PAIP2: variants seen among roughly 807,000 people sequenced by gnomAD.
The protein encoded by PAIP2 is polyadenylate-binding protein-interacting protein 2.
Under a neutral mutation model 14.8 loss-of-function variants are expected in PAIP2, and 7 were observed. The observed-to-expected ratio is 0.47, with a 90% CI of 0.27 to 0.89. PAIP2 has a LOEUF of 0.89. Ranked by LOEUF, PAIP2 falls within the 40% of genes least tolerant of loss-of-function variation. The pLI, the probability that PAIP2 is intolerant of heterozygous loss-of-function variation, is 0.13. For missense variants in PAIP2, 122 were observed against 154.7 expected, an observed-to-expected ratio of 0.79 and a Z score of 1.12; for synonymous variants, 47 against 45.3, an observed-to-expected ratio of 1.04 and a Z score of -0.15.
At chr5:139,357,329 A>G (rs1048465929) in intron 1 of PAIP2, among the ~76,000 whole-genome samples, 1 of 152,164 alleles carries the variant, frequency 6.6e-6, no homozygotes, top group African/African-American at 2.4e-5. Flanking sequence ...GAGCTTTTCA[A>G]AGCTCTTACT....
At chr5:139,342,274 CT>C (rs1367883673) in intron 1 of PAIP2, among the ~76,000 whole-genome samples, 3 of 152,132 alleles carry the variant, frequency 2.0e-5, no homozygotes, top group Non-Finnish European at 2.9e-5. Context: ...CGGGATAGCA[CT>C]TTCTCCTGTT....
intron 3 of PAIP2, among the ~76,000 whole-genome samples, chr5:139,366,202 CAAAAAA>C (rs1215094572): frequency 1.2e-4 from 3 of 25,324 alleles, no homozygotes; most frequent in Non-Finnish European, 2.7e-4. Flanking sequence ...GACTCCACCT[CAAAAAA>C]AAAAAAAAAA....
chr5:139,344,728 T>G (rs1332677311), intron 1 of PAIP2, among the ~76,000 whole-genome samples: 1 of 152,194 alleles, frequency 6.6e-6, no homozygotes, highest in Non-Finnish European at 1.5e-5. Flanking sequence ...ATTCTTGCTC[T>G]CACCTAATTA....
At chr5:139,352,488 G>GTTTT (rs1185620394) in intron 1 of PAIP2, among the ~76,000 whole-genome samples, 35 of 94,816 alleles carry the variant, frequency 3.7e-4, no homozygotes, top group African/African-American at 6.6e-4. Context: ...ATTCCTGCCA[G>GTTTT]TTTTTTTTTT....
intron 1 of PAIP2, among the ~76,000 whole-genome samples, chr5:139,362,435 A>G (rs749620043): frequency 1.1e-4 from 8 of 75,018 alleles, no homozygotes; most frequent in Admixed American, 1.9e-4. Flanking sequence ...TTTGAGATGG[A>G]GTTTCACTCT....
chr5:139,367,541 A>G (rs1757334825), intron 3 of PAIP2: 10 of 151,810 alleles, frequency 6.6e-5, no homozygotes, highest in Admixed American at 5.9e-4. Flanking sequence ...CTGAGTTTAC[A>G]CAGAAGTTAG....
intron 1 of PAIP2, among the ~76,000 whole-genome samples, chr5:139,363,146 C>CG (rs1561963698): frequency 6.6e-6 from 1 of 151,808 alleles, no homozygotes; most frequent in African/African-American, 2.4e-5. Flanking sequence ...GAGGCTGAGG[C>CG]GGGAGAATCG....
intron 1 of PAIP2, among the ~76,000 whole-genome samples, chr5:139,360,014 C>T (rs2152052464): frequency 6.6e-6 from 1 of 152,054 alleles, no homozygotes; most frequent in East Asian, 1.9e-4. Flanking sequence ...TTGCCCAGGC[C>T]AGAGTGCAGT....
intron 1 of PAIP2, among the ~76,000 whole-genome samples, chr5:139,361,935 CAAAA>C (rs34168919): frequency 4.0e-5 from 4 of 100,016 alleles, no homozygotes; most frequent in East Asian, 8.5e-4. Flanking sequence ...GACCCTGTCT[CAAAA>C]AAAAAAAAAA....
intron 2 of PAIP2, among the ~76,000 whole-genome samples, 187 bp from the exon 3 acceptor site, chr5:139,364,377 A>G (rs1398789311): frequency 6.6e-6 from 1 of 152,150 alleles, no homozygotes; most frequent in African/African-American, 2.4e-5. Context: ...TAAAAGTAAA[A>G]ACATAGAAAA....
At chr5:139,353,723 CTTT>C (rs11371364) in intron 1 of PAIP2, among the ~76,000 whole-genome samples, 2 of 145,758 alleles carry the variant, frequency 1.4e-5, no homozygotes, top group Non-Finnish European at 3.0e-5. Flanking sequence ...ATTGTCTTTT[CTTT>C]TTTTTTTTTA....
chr5:139,364,174 T>C lies in PAIP2; in HGVS notation c.138+252T>C, dbSNP rs183558156. On this transcript the variant is annotated intron_variant, in intron 2 of 3. Coordinates refer to ENST00000265192, the MANE Select transcript of PAIP2 (RefSeq NM_016480.5). ...GATGAGGGTGGAGCCTGGGAAACTT[T>C]TTCAGAGCTCTCAGATGGTTCCATT... is the stretch of plus-strand genomic sequence containing the variant. 12 of 478,138 alleles carry C rather than the reference T, an allele frequency of 2.5e-5. No homozygotes were observed. In the Admixed American group the frequency reaches 3.4e-4, roughly 14 times the overall value. 29.6% of individuals were successfully genotyped at this position (478,138 alleles called of 1,614,324 possible).
chr5:139,363,550 C>T (rs1757132933), intron 1 of PAIP2, among the ~76,000 whole-genome samples: 1 of 151,832 alleles, frequency 6.6e-6, no homozygotes, highest in Non-Finnish European at 1.5e-5. Context: ...GACCTTGTTT[C>T]TACAAAAAAT....
Position 139,363,737 on chromosome 5 carries a change from ACTGTGC to A in PAIP2, c.-26-21_-26-16del. 1 of 1,598,434 alleles carries A rather than the reference ACTGTGC, an allele frequency of 6.3e-7. No individual in the cohort carries two copies. Among genetic ancestry groups the A allele is most frequent in the Non-Finnish European group, 8.5e-7 (1 of 1,172,280 alleles). ...AAACCCTGAATGAGTAAGTAAATTAACTGTGCTGTTGTTCTTTTAAGGTTAAAAACG... is the reference window on the plus strand; with the variant it reads ...AAACCCTGAATGAGTAAGTAAATTAATGTTGTTCTTTTAAGGTTAAAAACG... On this transcript the variant is annotated splice_polypyrimidine_tract_variant and intron_variant, in intron 1 of 3. Transcript: ENST00000265192.
chr5:139,361,182 C>T (rs1451768656), intron 1 of PAIP2, among the ~76,000 whole-genome samples: 1 of 151,874 alleles, frequency 6.6e-6, no homozygotes, highest in Non-Finnish European at 1.5e-5. Flanking sequence ...CACTATGATC[C>T]TGTTGTCATT....
intron 1 of PAIP2, among the ~76,000 whole-genome samples, chr5:139,353,583 G>A (rs959839948): frequency 1.3e-5 from 2 of 151,896 alleles, no homozygotes; most frequent in Middle Eastern, 3.4e-3. Context: ...GCTTCCTGTC[G>A]CCCACCATTA....
intron 3 of PAIP2, 147 bp downstream of exon 3, chr5:139,364,890 A>T (rs1266439198): frequency 1.8e-6 from 1 of 554,918 alleles, no homozygotes; most frequent in Non-Finnish European, 3.1e-6. Context: ...CACGCCTGTA[A>T]TCCCAGCACT....
chr5:139,356,797 G>T (rs1037097308), intron 1 of PAIP2, among the ~76,000 whole-genome samples: 4 of 150,868 alleles, frequency 2.7e-5, no homozygotes, highest in Non-Finnish European at 4.4e-5. Context: ...TGAGGCAGGA[G>T]AATCGCTTGA....
chr5:139,368,580 T>A (rs1057163810), intron 3 of PAIP2, among the ~76,000 whole-genome samples, 153 bp from the exon 4 acceptor site: 2 of 151,836 alleles, frequency 1.3e-5, no homozygotes, highest in Non-Finnish European at 2.9e-5. Flanking sequence ...ATAGCTTACA[T>A]CTGGTTCTTC....
Sources: allele counts gnomAD v4.1 joint callset (sites outside exome capture counted in the v4.1 genomes callset), GRCh38; gene constraint gnomAD v4.1.1; transcripts MANE v1.5; gene names NCBI Gene and HGNC (gene_info 2026-07-23, HGNC 2026-07-21).